The following LARGE1 variants were observed in gnomAD, a reference collection of about 807,000 sequenced individuals.
LARGE1 encodes xylosyl- and glucuronyltransferase LARGE1.
Under a neutral mutation model 87.6 loss-of-function variants are expected in LARGE1, and 43 were observed. The ratio of observed to expected loss-of-function variants is 0.49; its 90% CI spans 0.38 to 0.63. LARGE1 has a LOEUF of 0.63. Among genes scored for constraint, LARGE1 ranks in the 30% least tolerant of loss-of-function variants. The pLI is 0.00. For missense variants in LARGE1, 802 were observed against 1,000.2 expected (o/e 0.80, Z 2.67); for synonymous variants, 434 against 394.6 (o/e 1.10, Z -1.18).
chr22:33,538,070 A>G (rs147281957), intron 6 of LARGE1, among the ~76,000 whole-genome samples: 2,833 of 152,174 alleles, frequency 0.019, 39 homozygotes, highest in African/African-American at 0.029. Flanking sequence ...TCCACAGGTC[A>G]TGGTGCCTCA....
At chr22:33,580,072 TAA>T (rs2078469690) in intron 5 of LARGE1, among the ~76,000 whole-genome samples, 1 of 152,112 alleles carries the variant, frequency 6.6e-6, no homozygotes, top group Non-Finnish European at 1.5e-5. Flanking sequence ...TTTGCATCTG[TAA>T]AGCAGACACA....
At chr22:33,807,530 A>G (rs571599238) in intron 1 of LARGE1, among the ~76,000 whole-genome samples, 6 of 152,178 alleles carry the variant, frequency 3.9e-5, no homozygotes, top group Non-Finnish European at 8.8e-5. Flanking sequence ...ATACATCATT[A>G]TCGCCTAAAG....
chr22:33,610,884 G>C (rs1228533061), intron 4 of LARGE1, among the ~76,000 whole-genome samples: 1 of 152,206 alleles, frequency 6.6e-6, no homozygotes, highest in Non-Finnish European at 1.5e-5. Flanking sequence ...GGCCTCTCCA[G>C]TTCCAGCCTC....
intron 9 of LARGE1, among the ~76,000 whole-genome samples, chr22:33,379,912 T>G (rs1441632252): frequency 1.3e-5 from 2 of 152,130 alleles, no homozygotes; most frequent in African/African-American, 4.8e-5. Flanking sequence ...TTCAAGGGTT[T>G]TAGGAGCTCT....
intron 1 of LARGE1, among the ~76,000 whole-genome samples, chr22:33,882,865 T>C (rs2064737114): frequency 6.6e-6 from 1 of 152,180 alleles, no homozygotes; most frequent in Non-Finnish European, 1.5e-5. Flanking sequence ...AATAGACTGA[T>C]GGAGCGCTCT....
chr22:33,814,548 A>G (rs185623595), intron 1 of LARGE1, among the ~76,000 whole-genome samples: 37 of 152,298 alleles, frequency 2.4e-4, no homozygotes, highest in African/African-American at 7.5e-4. Flanking sequence ...GGCCTCATCT[A>G]ATCAGCTGAA....
At position 33,275,444 on chromosome 22, in the gene LARGE1, T is replaced by C. The variant is rs565683128; in HGVS notation, c.2074-820A>G. Among the ~76,000 whole-genome samples, 39 of 152,256 alleles carry C rather than the reference T, an allele frequency of 2.6e-4. No homozygotes were observed. The South Asian group carries it at 7.9e-3, about 31-fold the overall frequency. On this transcript the variant is annotated intron_variant, in intron 14 of 14. Transcript: ENST00000397394. Reference sequence around the variant, plus strand: ...AGAATAAACTCAGGGATAACTGGGATGGGGAAAGGCGGCTGTTTTAGGTAG... The same window carrying C: ...AGAATAAACTCAGGGATAACTGGGACGGGGAAAGGCGGCTGTTTTAGGTAG...
At chr22:33,574,685 ATTGTGTGTGTGTGTGTGT>A (rs1267192480) in intron 5 of LARGE1, among the ~76,000 whole-genome samples, 1 of 119,248 alleles carries the variant, frequency 8.4e-6, no homozygotes, top group African/African-American at 3.0e-5. Context: ...GATATAAACA[ATTGTGTGTGTGTGTGTGT>A]GTGTGTGTGT....
At chr22:33,627,169 CG>C (rs2079947720) in intron 3 of LARGE1, among the ~76,000 whole-genome samples, 1 of 152,236 alleles carries the variant, frequency 6.6e-6, no homozygotes, top group South Asian at 2.1e-4. Context: ...CATCTGTTTA[CG>C]CCCTCTAAGC....
chr22:33,805,206 C>T (rs2413202), intron 1 of LARGE1, among the ~76,000 whole-genome samples: 38,147 of 151,876 alleles, frequency 0.25, 5,018 homozygotes, highest in East Asian at 0.4. Flanking sequence ...TAAAGACACA[C>T]CTGGATTTGG....
At chr22:33,266,347 G>A (rs889385072) in intron 11 of LARGE1, among the ~76,000 whole-genome samples, 5 of 148,716 alleles carry the variant, frequency 3.4e-5, no homozygotes, top group African/African-American at 5.1e-5. Context: ...TCAGCCTCCC[G>A]AGTAGCTGGG....
At chr22:33,618,891 G>T (rs1458733587) in intron 4 of LARGE1, among the ~76,000 whole-genome samples, 4 of 152,092 alleles carry the variant, frequency 2.6e-5, no homozygotes, top group Non-Finnish European at 5.9e-5. Flanking sequence ...TTCCTAATCG[G>T]TTTTCTACAC....
intron 1 of LARGE1, among the ~76,000 whole-genome samples, chr22:33,789,072 A>C (rs2085739164): frequency 6.6e-6 from 1 of 152,240 alleles, no homozygotes; most frequent in Admixed American, 6.5e-5. Flanking sequence ...AGAGGTCTTC[A>C]CAGCAGCCCC....
At position 33,320,406 on chromosome 22, in the gene LARGE1, A is replaced by T. The variant is rs749919901; in HGVS notation, c.1288-4158T>A. On this transcript the variant is annotated intron_variant, in intron 10 of 14. Transcript: ENST00000397394. ...CACCTGCTCTGTGAGACCTCTGCAG[A>T]TCCTGCTGGGTAGAAGCAATCCGTT... is the stretch of plus-strand genomic sequence containing the variant. Among the ~76,000 whole-genome samples, 6 of 152,146 alleles carry T rather than the reference A, an allele frequency of 3.9e-5. 1 individual carries two copies. The highest frequency in any genetic ancestry group is 2.6e-4 in the Admixed American group (4 of 15,282).
chr22:33,240,702 G>A (rs1445358218), intron 11 of LARGE1, among the ~76,000 whole-genome samples: 1 of 152,068 alleles, frequency 6.6e-6, no homozygotes, highest in African/African-American at 2.4e-5. Context: ...GATTTTGATT[G>A]GCATTGCACT....
intron 2 of LARGE1, among the ~76,000 whole-genome samples, chr22:33,728,520 C>T (rs2083342497): frequency 8.8e-6 from 1 of 113,890 alleles, no homozygotes; most frequent in South Asian, 3.0e-4. Context: ...GCCTGGGCAA[C>T]AAAGCGAGAC....
At chr22:33,248,041 C>A (rs900155955) in intron 11 of LARGE1, among the ~76,000 whole-genome samples, 3 of 152,184 alleles carry the variant, frequency 2.0e-5, no homozygotes, top group African/African-American at 7.2e-5. Context: ...AGATTGGAAC[C>A]TCATAACTGA....
At chr22:33,655,379 A>G (rs1488799404) in intron 2 of LARGE1, among the ~76,000 whole-genome samples, 5 of 152,098 alleles carry the variant, frequency 3.3e-5, no homozygotes. Flanking sequence ...TTCAAACTCA[A>G]ACTGAATCAC....
chr22:33,089,321 T>TTTCTTCTTCTTCTTCTTCTTC, the LARGE1 span, among the ~76,000 whole-genome samples: 395 of 87,056 alleles, frequency 4.5e-3, 3 homozygotes, highest in Admixed American at 0.016. Context: ...TTCTTTCTTC[T>TTTCTTCTTCTTCTTCTTCTTC]TTCTTCTTCT....
Sources: allele counts gnomAD v4.1 joint callset (sites outside exome capture counted in the v4.1 genomes callset), GRCh38; gene constraint gnomAD v4.1.1; transcripts MANE v1.5; gene names NCBI Gene and HGNC (gene_info 2026-07-23, HGNC 2026-07-21).